The following KCMF1 variants were observed in gnomAD, a reference collection of about 807,000 sequenced individuals.
KCMF1 encodes potassium channel modulatory factor 1.
KCMF1 carries 3 observed loss-of-function variants against 41.1 expected under a neutral mutation model. The ratio of observed to expected loss-of-function variants is 0.07; its 90% CI spans 0.03 to 0.19. The LOEUF is 0.19. Ranked by LOEUF, KCMF1 falls within the 10% of genes least tolerant of loss-of-function variation. KCMF1 has a pLI of 1.00. For missense variants in KCMF1, 286 were observed against 488.9 expected, an observed-to-expected ratio of 0.58 and a Z score of 3.91; for synonymous variants, 142 against 164.5, an observed-to-expected ratio of 0.86 and a Z score of 1.04.
chr2:85,058,693 A>G lies in KCMF1; in HGVS notation c.*5284A>G, dbSNP rs1675997942. On this transcript the variant is annotated 3_prime_UTR_variant, in exon 7 of 7. Transcript: ENST00000409785. The stretch of plus-strand genomic sequence containing the variant: ...CAGACTTCCCCTGTAAGAATTTTCT[A>G]AAAGAGCCTTTCTCCCTTACACAAT... 1.3e-5 allele frequency: 2 copies of G among 152,224 alleles called. No individual in the cohort carries two copies. The highest frequency in any genetic ancestry group is 1.3e-4 in the Admixed American group (2 of 15,284). The allele number at this position is 152,224 out of a possible 1,614,324, so 9.4% of individuals were successfully genotyped here. A position where few individuals can be genotyped will look rare whatever the true frequency, so the allele number is the denominator to read the frequency against.
Position 85,057,262 on chromosome 2 carries a change from T to TA in KCMF1, c.*3854dup, listed in dbSNP as rs1310453214. 6.6e-6 allele frequency: 1 copy of TA among 152,142 alleles called. No homozygotes were observed. Among genetic ancestry groups the TA allele is most frequent in the African/African-American group, 2.4e-5 (1 of 41,424 alleles). The allele number at this position is 152,142 out of a possible 1,614,324, so 9.4% of individuals were successfully genotyped here. The stretch of plus-strand genomic sequence containing the variant: ...GTTGGTGTTCATGCTGGAAAACAGT[T>TA]ACGGTTATCTGTGCTCTTTCTAAAG... On this transcript the variant is annotated 3_prime_UTR_variant, in exon 7 of 7. Coordinates refer to ENST00000409785, the MANE Select transcript of KCMF1 (RefSeq NM_020122.5).
At chr2:85,021,313 C>G (rs1310423953) in intron 1 of KCMF1, among the ~76,000 whole-genome samples, 1 of 152,100 alleles carries the variant, frequency 6.6e-6, no homozygotes, top group African/African-American at 2.4e-5. Context: ...AAATTGTATT[C>G]TGGGAAAGCG....
chr2:84,971,534 G>C (rs1573997853), intron 1 of KCMF1, 67 bp downstream of exon 1: 1 of 923,720 alleles, frequency 1.1e-6, no homozygotes. Flanking sequence ...GGCCGGGCGC[G>C]GCGGAGGGCG....
rs565222365 is a variant in KCMF1 at position 85,015,676 on chromosome 2, A to G, written c.17-12213A>G. On this transcript the variant is annotated intron_variant, in intron 1 of 6. Coordinates refer to ENST00000409785, the MANE Select transcript of KCMF1 (RefSeq NM_020122.5). ...GTTCATAAAGAACTCTTTAAATACA[A>G]TATTTCACCCATTTTTCTATTCACT... Among the ~76,000 whole-genome samples, 5 of 152,302 alleles carry G rather than the reference A, an allele frequency of 3.3e-5. No individual in the cohort carries two copies. The East Asian group carries it at 7.7e-4, about 24-fold the overall frequency.
rs1675905512 is a variant in KCMF1 at position 85,055,495 on chromosome 2, G to A, written c.*2086G>A. The A allele has an allele frequency of 1.3e-5, 2 of 152,250 alleles. No individual in the cohort carries two copies. Among genetic ancestry groups the A allele is most frequent in the Admixed American group, 1.3e-4 (2 of 15,290 alleles). The allele number at this position is 152,250 out of a possible 1,614,324, so 9.4% of individuals were successfully genotyped here. ...TAGGGAACAACTGTAAGTCCATTCA[G>A]AGCAGTTTAATTTAGATGATCACTT... On this transcript the variant is annotated 3_prime_UTR_variant, in exon 7 of 7. Coordinates refer to ENST00000409785, the MANE Select transcript of KCMF1 (RefSeq NM_020122.5).
At chr2:84,980,893 G>T (rs751634153) in intron 1 of KCMF1, among the ~76,000 whole-genome samples, 4 of 151,876 alleles carry the variant, frequency 2.6e-5, no homozygotes, top group Non-Finnish European at 5.9e-5. Context: ...CTCTTGCCTC[G>T]GCCTCACAAT....
At chr2:85,022,776 G>A (rs1277207600) in intron 1 of KCMF1, among the ~76,000 whole-genome samples, 1 of 151,914 alleles carries the variant, frequency 6.6e-6, no homozygotes, top group Non-Finnish European at 1.5e-5. Flanking sequence ...AAACCCCAGA[G>A]GGAGCCACTG....
chr2:85,022,944 G>A lies in KCMF1; in HGVS notation c.17-4945G>A, dbSNP rs188150398. Among the ~76,000 whole-genome samples the A allele has an allele frequency of 9.0e-4, 128 of 142,814 alleles. 1 individual carries two copies. Among genetic ancestry groups the A allele is most frequent in the East Asian group, 4.2e-4 (2 of 4,794 alleles). 93.7% of individuals were successfully genotyped at this position (142,814 alleles called of 152,430 possible). Reference sequence around the variant, plus strand: ...CGCTCTGTTGCCCAGGCTAGAGTGCGGTGGCTGATCTCAGCTCACTGCAAG... The same window carrying A: ...CGCTCTGTTGCCCAGGCTAGAGTGCAGTGGCTGATCTCAGCTCACTGCAAG... On this transcript the variant is annotated intron_variant, in intron 1 of 6. Coordinates refer to ENST00000409785, the MANE Select transcript of KCMF1 (RefSeq NM_020122.5).
chr2:84,997,995 A>T (rs1270266395), intron 1 of KCMF1, among the ~76,000 whole-genome samples: 1 of 149,572 alleles, frequency 6.7e-6, no homozygotes, highest in African/African-American at 2.5e-5. Flanking sequence ...CTGGTCTTGA[A>T]CTCCTGACCT....
intron 1 of KCMF1, among the ~76,000 whole-genome samples, chr2:85,022,155 TATTC>T (rs1674962324): frequency 6.6e-6 from 1 of 152,040 alleles, no homozygotes; most frequent in Admixed American, 6.6e-5. Context: ...AATAAAAACA[TATTC>T]ATTCAACAAA....
At chr2:85,027,776 T>G (rs1675149423) in intron 1 of KCMF1, 113 bp from the exon 2 acceptor site, 1 of 637,458 alleles carries the variant, frequency 1.6e-6, no homozygotes, top group African/African-American at 1.8e-5. Flanking sequence ...AAGTCATTTC[T>G]AGTCATTTTG....
chr2:85,035,270 G>A (rs764773198), intron 3 of KCMF1, 115 bp downstream of exon 3: 12 of 927,144 alleles, frequency 1.3e-5, no homozygotes, highest in Non-Finnish European at 1.9e-5. Context: ...GATACCGTTT[G>A]CATAGTTATT....
At chr2:85,043,368 C>T (rs114600750) in intron 3 of KCMF1, among the ~76,000 whole-genome samples, 196 bp from the exon 4 acceptor site, 145 of 152,278 alleles carry the variant, frequency 9.5e-4, no homozygotes, top group African/African-American at 2.9e-3. Flanking sequence ...GTGTCTGAAA[C>T]TGTTGTGTTT....
chr2:84,989,004 TC>T (rs1673971950), intron 1 of KCMF1, among the ~76,000 whole-genome samples: 1 of 151,866 alleles, frequency 6.6e-6, no homozygotes, highest in African/African-American at 2.4e-5. Context: ...TATTCTAAGT[TC>T]CCCCCACCCT....
intron 1 of KCMF1, among the ~76,000 whole-genome samples, chr2:85,016,878 C>T (rs572894420): frequency 9.2e-5 from 14 of 151,990 alleles, no homozygotes; most frequent in Non-Finnish European, 1.8e-4. Context: ...TTAGTAGAGA[C>T]GAGGTTTCAC....
rs977867655 is a variant in KCMF1, at chr2:85,043,269, A to C, written c.325-295A>C. Among the ~76,000 whole-genome samples, 6 of 151,918 alleles carry C rather than the reference A, an allele frequency of 3.9e-5. No individual in the cohort carries two copies. In the South Asian group the frequency reaches 1.2e-3, roughly 32 times the overall value. The stretch of plus-strand genomic sequence containing the variant: ...AAATGTGCACTAAATAGCACATTTT[A>C]AAGTTTTTTTTAATGGAAACTATTT... On this transcript the variant is annotated intron_variant, in intron 3 of 6. Transcript: ENST00000409785.
chr2:85,049,543 C>G lies in KCMF1; in HGVS notation c.779C>G (p.Thr260Arg). 1 of 1,614,028 alleles carries G rather than the reference C, an allele frequency of 6.2e-7. No homozygotes were observed. Among genetic ancestry groups the G allele is most frequent in the Non-Finnish European group, 8.5e-7 (1 of 1,179,900 alleles). ...TARNATRRTNTSSVTTTITQS... is the reference protein window; with the variant it reads ...TARNATRRTNRSSVTTTITQS... ...CGCAACGCAACCCGGCGTACTAACA[C>G]AAGCAGTGTCACCACTACAATCACA... The change falls in exon 6 of 7, where the codon ACA (threonine) becomes AGA (arginine). Residue 260 changes from threonine to arginine, a missense_variant. Coordinates refer to ENST00000409785, the MANE Select transcript of KCMF1 (RefSeq NM_020122.5).
intron 1 of KCMF1, 81 bp downstream of exon 1, chr2:84,971,548 G>A: frequency 6.3e-6 from 5 of 795,888 alleles, no homozygotes; most frequent in Non-Finnish European, 8.1e-6. Context: ...GAGGGCGGCC[G>A]GGAAGCGGCG....
intron 1 of KCMF1, among the ~76,000 whole-genome samples, chr2:85,009,058 A>G (rs1457545491): frequency 2.0e-5 from 3 of 151,984 alleles, no homozygotes; most frequent in Non-Finnish European, 4.4e-5. Context: ...TGTATATGTT[A>G]TGGTTTGGCT....
Sources: allele counts gnomAD v4.1 joint callset (sites outside exome capture counted in the v4.1 genomes callset), GRCh38; gene constraint gnomAD v4.1.1; transcripts MANE v1.5; gene names NCBI Gene and HGNC (gene_info 2026-07-23, HGNC 2026-07-21).